PLEKHG1: variants seen among roughly 807,000 people sequenced by gnomAD.
The protein encoded by PLEKHG1 is pleckstrin homology and RhoGEF domain containing G1.
In PLEKHG1, 44 loss-of-function variants were observed where a neutral mutation model predicts 100.8. The ratio of observed to expected loss-of-function variants is 0.44; its 90% CI spans 0.34 to 0.56. The LOEUF (loss-of-function observed/expected upper bound fraction) is 0.56, where lower values mean the gene tolerates loss of function less well. Ranked by LOEUF, PLEKHG1 falls within the 20% of genes least tolerant of loss-of-function variation. The pLI is 0.01. For synonymous variants in PLEKHG1, 640 were observed against 662.5 expected (o/e 0.97, Z 0.52); for missense variants, 1,545 against 1,720.9 (o/e 0.90, Z 1.81).
chr6:150,673,924 C>T (rs758382446), intron 3 of PLEKHG1, among the ~76,000 whole-genome samples: 7 of 152,142 alleles, frequency 4.6e-5, no homozygotes, highest in Non-Finnish European at 8.8e-5. Flanking sequence ...CTTGGCCTCC[C>T]GAAGTGCTGC....
At chr6:150,616,389 TAGA>T (rs1484472213) in intron 1 of PLEKHG1, among the ~76,000 whole-genome samples, 2 of 152,156 alleles carry the variant, frequency 1.3e-5, no homozygotes, top group African/African-American at 4.8e-5. Context: ...AAGGTACCAT[TAGA>T]AGATGTGGCA....
chr6:150,824,363 C>T (rs1583202505), intron 14 of PLEKHG1, among the ~76,000 whole-genome samples: 1 of 152,272 alleles, frequency 6.6e-6, no homozygotes, highest in East Asian at 1.9e-4. Context: ...CTGATCATGG[C>T]TCCTTGTTTA....
chr6:150,640,318 T>C (rs1021049475), intron 2 of PLEKHG1, among the ~76,000 whole-genome samples: 1 of 152,258 alleles, frequency 6.6e-6, no homozygotes, highest in Non-Finnish European at 1.5e-5. Context: ...GAAGATGATC[T>C]TGACTTTTAC....
At position 150,721,173 on chromosome 6, in the gene PLEKHG1, G is replaced by A. The variant is rs545045626; in HGVS notation, c.-126G>A. The A allele has an allele frequency of 3.3e-3, 3,277 of 985,370 alleles. 7 individuals carry two copies. Among genetic ancestry groups the A allele is most frequent in the Non-Finnish European group, 3.6e-3 (2,957 of 829,892 alleles). 61.0% of individuals were successfully genotyped at this position (985,370 alleles called of 1,614,324 possible). On this transcript the variant is annotated 5_prime_UTR_variant, in exon 1 of 16. Transcript: ENST00000358517. ...GTCACTGCATCAGCTGAAGGCAGAC[G>A]ATGTGCTTAAGCCTGAGTGGAGCAG...
chr6:150,807,880 A>G (rs999388656), intron 7 of PLEKHG1, among the ~76,000 whole-genome samples: 1 of 152,076 alleles, frequency 6.6e-6, no homozygotes. Context: ...GAGGCAGGAG[A>G]ATCGCTTGAA....
intron 3 of PLEKHG1, among the ~76,000 whole-genome samples, chr6:150,690,376 G>T (rs1780308253): frequency 6.6e-6 from 1 of 151,800 alleles, no homozygotes; most frequent in Non-Finnish European, 1.5e-5. Context: ...CTCGGTGCTG[G>T]GCTCAGGAAC....
chr6:150,607,352 C>T lies in PLEKHG1; in HGVS notation c.-204+7335C>T, dbSNP rs1776644383. On this transcript the variant is annotated intron_variant, in intron 1 of 3. Coordinates refer to the PLEKHG1 transcript ENST00000367326. The stretch of plus-strand genomic sequence containing the variant: ...CCATGGCTGTGTGATTACAGACAGG[C>T]CTCAAACACTGACATCTGCACTTCT... 2.0e-5 allele frequency among the ~76,000 whole-genome samples: 3 copies of T among 152,096 alleles called. No homozygotes were observed. In the South Asian group the frequency reaches 6.2e-4, roughly 32 times the overall value.
At position 150,708,972 on chromosome 6, in the gene PLEKHG1, G is replaced by A. The variant is rs139148618; in HGVS notation, c.-98-24612G>A. On this transcript the variant is annotated intron_variant, in intron 3 of 3. Transcript: ENST00000367326. ...CATTGGCTTACTGTCAGATGATGTC[G>A]TCGAAAAATTTTGCAGGGAGTTTTC... Among the ~76,000 whole-genome samples the A allele has an allele frequency of 4.0e-3, 604 of 152,298 alleles. 4 individuals are homozygous for A. The highest frequency in any genetic ancestry group is 0.013 in the African/African-American group (556 of 41,560).
At chr6:150,766,209 T>C (rs1784447386) in intron 2 of PLEKHG1, among the ~76,000 whole-genome samples, 1 of 152,232 alleles carries the variant, frequency 6.6e-6, no homozygotes, top group South Asian at 2.1e-4. Flanking sequence ...TTTGATCCTC[T>C]TGGAGAATAA....
At chr6:150,722,510 T>C (rs7766496) in intron 1 of PLEKHG1, among the ~76,000 whole-genome samples, 1 of 151,928 alleles carries the variant, frequency 6.6e-6, no homozygotes, top group Non-Finnish European at 1.5e-5. Flanking sequence ...CGCGCCACCA[T>C]GCCCGGCTAA....
intron 5 of PLEKHG1, among the ~76,000 whole-genome samples, chr6:150,798,882 C>T (rs374715545): frequency 1.1e-4 from 16 of 152,034 alleles, no homozygotes; most frequent in African/African-American, 1.4e-4. Flanking sequence ...CTGGGATTAC[C>T]GGCACATGCC....
intron 10 of PLEKHG1, among the ~76,000 whole-genome samples, chr6:150,816,334 T>TTTTTTTC: frequency 8.8e-6 from 1 of 113,334 alleles, no homozygotes; most frequent in South Asian, 3.4e-4. Flanking sequence ...TACTTTTTTT[T>TTTTTTTC]TTTTTTTTTT....
At chr6:150,618,718 C>A (rs1475299827) in intron 1 of PLEKHG1, among the ~76,000 whole-genome samples, 2 of 152,022 alleles carry the variant, frequency 1.3e-5, no homozygotes, top group Non-Finnish European at 2.9e-5. Flanking sequence ...GGCTTCAACA[C>A]CTGGCTTACA....
chr6:150,734,813 C>T (rs950848809), intron 2 of PLEKHG1, among the ~76,000 whole-genome samples: 10 of 152,068 alleles, frequency 6.6e-5, no homozygotes, highest in Non-Finnish European at 1.0e-4. Flanking sequence ...CAAATTATTT[C>T]ATGTGAATTG....
intron 3 of PLEKHG1, among the ~76,000 whole-genome samples, chr6:150,715,527 G>T (rs1481985581): frequency 6.8e-6 from 1 of 147,970 alleles, no homozygotes; most frequent in Non-Finnish European, 1.5e-5. Context: ...TTGCTCTGTG[G>T]CCCAGGCTGG....
chr6:150,822,177 A>AAAAAAAC (rs1278144184), intron 13 of PLEKHG1, among the ~76,000 whole-genome samples: 1 of 124,320 alleles, frequency 8.0e-6, no homozygotes, highest in Non-Finnish European at 1.8e-5. Flanking sequence ...AAAAAAAAAA[A>AAAAAAAC]AGAATAGGGC....
chr6:150,707,828 C>A (rs545241179), intron 3 of PLEKHG1, among the ~76,000 whole-genome samples: 1 of 152,194 alleles, frequency 6.6e-6, no homozygotes, highest in Non-Finnish European at 1.5e-5. Flanking sequence ...GGTAAAGTCA[C>A]TTTAAAAGAT....
At chr6:150,672,674 A>T (rs1004480252) in intron 3 of PLEKHG1, among the ~76,000 whole-genome samples, 5 of 152,242 alleles carry the variant, frequency 3.3e-5, no homozygotes, top group Non-Finnish European at 5.9e-5. Context: ...TAGATGTTTA[A>T]TTTCATTTCC....
At chr6:150,729,568 A>G (rs1219969157) in intron 1 of PLEKHG1, among the ~76,000 whole-genome samples, 3 of 152,240 alleles carry the variant, frequency 2.0e-5, no homozygotes, top group African/African-American at 4.8e-5. Flanking sequence ...AACTATAATT[A>G]TCTTCTAAGC....
Sources: allele counts gnomAD v4.1 joint callset (sites outside exome capture counted in the v4.1 genomes callset), GRCh38; gene constraint gnomAD v4.1.1; transcripts MANE v1.5; gene names NCBI Gene and HGNC (gene_info 2026-07-23, HGNC 2026-07-21).